Variants in HEATR5B observed in about 807,000 individuals in gnomAD.
The protein encoded by HEATR5B is HEAT repeat-containing protein 5B.
In HEATR5B, 156 loss-of-function variants were observed where a neutral mutation model predicts 224.1. The observed-to-expected ratio is 0.70, with a 90% CI of 0.61 to 0.80. The LOEUF is 0.80. HEATR5B is among the 30% of genes least tolerant of loss of function. The probability of loss-of-function intolerance (pLI) is 0.00; values close to 1 mark genes in which losing one functional copy is unlikely to be tolerated. For synonymous variants in HEATR5B, 1,027 were observed against 893.0 expected, an observed-to-expected ratio of 1.15 and a Z score of -2.68; for missense variants, 2,323 against 2,535.5, an observed-to-expected ratio of 0.92 and a Z score of 1.80.
chr2:37,066,423 C>G (rs554437285), intron 8 of HEATR5B, among the ~76,000 whole-genome samples: 1 of 152,180 alleles, frequency 6.6e-6, no homozygotes, highest in Non-Finnish European at 1.5e-5. Flanking sequence ...GCTATTATTA[C>G]TTTATTACCA....
chr2:36,986,134 T>G (rs931188705), intron 35 of HEATR5B, among the ~76,000 whole-genome samples: 1 of 152,160 alleles, frequency 6.6e-6, no homozygotes, highest in Non-Finnish European at 1.5e-5. Flanking sequence ...GTGAGTAAGA[T>G]TCAGTCCTCA....
chr2:37,081,143 G>A (rs148556703), intron 2 of HEATR5B, among the ~76,000 whole-genome samples: 1 of 152,284 alleles, frequency 6.6e-6, no homozygotes, highest in East Asian at 1.9e-4. Flanking sequence ...TGTTTCAGTG[G>A]AGTGGAAGTA....
intron 16 of HEATR5B, among the ~76,000 whole-genome samples, chr2:37,053,930 T>C (rs1165374774): frequency 6.6e-6 from 1 of 151,726 alleles, no homozygotes; most frequent in East Asian, 1.9e-4. Context: ...AAGATAACAA[T>C]CATTAATTAT....
intron 5 of HEATR5B, among the ~76,000 whole-genome samples, chr2:37,073,008 G>C (rs1671999372): frequency 6.6e-6 from 1 of 152,156 alleles, no homozygotes; most frequent in South Asian, 2.1e-4. Flanking sequence ...GCCTACACCA[G>C]TGAATTCAAC....
At chr2:37,012,543 A>G (rs1388340885) in intron 27 of HEATR5B, among the ~76,000 whole-genome samples, 1 of 152,090 alleles carries the variant, frequency 6.6e-6, no homozygotes, top group Non-Finnish European at 1.5e-5. Flanking sequence ...GGCATGCACC[A>G]CCATGCCAGG....
At chr2:37,040,545 G>T in intron 19 of HEATR5B, 27 bp from the exon 20 acceptor site, 1 of 1,543,660 alleles carries the variant, frequency 6.5e-7, no homozygotes, top group Non-Finnish European at 8.8e-7. Context: ...TTTCATTTTA[G>T]TTGTAAGGAA....
intron 18 of HEATR5B, among the ~76,000 whole-genome samples, chr2:37,041,530 G>C (rs1311310031): frequency 1.3e-5 from 2 of 152,148 alleles, no homozygotes; most frequent in Non-Finnish European, 2.9e-5. Context: ...TGGATCACTT[G>C]AGCCCAGGAG....
intron 17 of HEATR5B, 30 bp from the exon 18 acceptor site, chr2:37,049,873 C>T: frequency 8.4e-7 from 1 of 1,188,668 alleles, no homozygotes; most frequent in Non-Finnish European, 1.1e-6. Flanking sequence ...AAAAAAAAGA[C>T]AGCAATTCAT....
At chr2:37,002,167 C>G in intron 32 of HEATR5B, 139 bp downstream of exon 32, 1 of 945,562 alleles carries the variant, frequency 1.1e-6, no homozygotes, top group Non-Finnish European at 1.6e-6. Flanking sequence ...GTAGACAAAA[C>G]CTTAAAAAAA....
At chr2:36,984,239 A>T (rs1434832239) in intron 35 of HEATR5B, among the ~76,000 whole-genome samples, 16 of 131,230 alleles carry the variant, frequency 1.2e-4, no homozygotes, top group East Asian at 7.8e-4. Flanking sequence ...TATATATATA[A>T]AACTGGAAAA....
intron 23 of HEATR5B, 33 bp downstream of exon 23, chr2:37,028,648 C>T (rs1164059837): frequency 6.3e-7 from 1 of 1,583,374 alleles, no homozygotes; most frequent in Non-Finnish European, 8.6e-7. Flanking sequence ...AAAACAATTT[C>T]CATTATTTTA....
chr2:37,052,987 G>A (rs1248909629), intron 17 of HEATR5B, among the ~76,000 whole-genome samples: 1 of 152,236 alleles, frequency 6.6e-6, no homozygotes, highest in Non-Finnish European at 1.5e-5. Context: ...CAAAACTGCA[G>A]ATAAGGAAGG....
chr2:37,059,408 G>GTA (rs1246257009), intron 12 of HEATR5B, among the ~76,000 whole-genome samples: 3 of 31,882 alleles, frequency 9.4e-5, no homozygotes, highest in Admixed American at 3.9e-4. Context: ...ATATGTATAT[G>GTA]TGTGTGTGTG....
Position 37,070,293 on chromosome 2 carries a change from G to A in HEATR5B, c.864C>T (p.Ser288=), listed in dbSNP as rs577600783. 5.6e-6 allele frequency: 9 copies of A among 1,613,876 alleles called. No individual in the cohort carries two copies. Among genetic ancestry groups the A allele is most frequent in the African/African-American group, 2.7e-5 (2 of 74,980 alleles). ...FLRGGSGFLK[S]GGEMLKVGGS... Reference sequence around the variant, plus strand: ...CTCCAACTTTTAACATTTCTCCACCGCTCTTTAAGAAACCTGACCCTCCAC... The same window carrying A: ...CTCCAACTTTTAACATTTCTCCACCACTCTTTAAGAAACCTGACCCTCCAC... Residue 288 remains serine (S), a synonymous_variant, in exon 7 of 36, where the codon AGC becomes AGT. Transcript: ENST00000233099.
intron 26 of HEATR5B, among the ~76,000 whole-genome samples, chr2:37,016,314 C>T (rs1056018301): frequency 4.0e-5 from 6 of 151,826 alleles, no homozygotes; most frequent in African/African-American, 1.5e-4. Flanking sequence ...GGTTTCACCA[C>T]GTTAGCCAGG....
At chr2:36,995,691 T>C (rs978775401) in intron 33 of HEATR5B, among the ~76,000 whole-genome samples, 5 of 152,226 alleles carry the variant, frequency 3.3e-5, no homozygotes, top group African/African-American at 7.2e-5. Flanking sequence ...GGGTCTGGGT[T>C]AATTTATATA....
At position 37,041,259 on chromosome 2, in the gene HEATR5B, A is replaced by C. The variant is rs1368412254; in HGVS notation, c.2730T>G (p.Thr910=). The C allele has an allele frequency of 1.2e-6, 2 of 1,614,210 alleles. No homozygotes were observed. Among genetic ancestry groups the C allele is most frequent in the Admixed American group, 1.7e-5 (1 of 60,022 alleles). Residue 910 remains threonine (T), a synonymous_variant, in exon 19 of 36, where the codon ACT becomes ACG. Coordinates refer to ENST00000233099, the MANE Select transcript of HEATR5B (RefSeq NM_019024.3). ...AACAACCAAGAGCCAATGAATGACC[A>C]GTCCTAGATACAACATCTCGAGCCG... ...LKSARDVVSR[T]GHSLALGCLH...
chr2:37,022,013 AG>A (rs1346792258), intron 24 of HEATR5B, among the ~76,000 whole-genome samples: 13 of 151,852 alleles, frequency 8.6e-5, no homozygotes, highest in Non-Finnish European at 2.9e-5. Flanking sequence ...TCTTTAAATA[AG>A]GAAGTTCCCA....
At chr2:37,045,768 C>T (rs1670153538) in intron 18 of HEATR5B, among the ~76,000 whole-genome samples, 1 of 152,188 alleles carries the variant, frequency 6.6e-6, no homozygotes, top group Non-Finnish European at 1.5e-5. Context: ...GTTTGGGTTT[C>T]CTATTTCTGT....
Sources: allele counts gnomAD v4.1 joint callset (sites outside exome capture counted in the v4.1 genomes callset), GRCh38; gene constraint gnomAD v4.1.1; transcripts MANE v1.5; gene names NCBI Gene and HGNC (gene_info 2026-07-23, HGNC 2026-07-21).